The following GYPC variants were observed in gnomAD, a reference collection of about 807,000 sequenced individuals.
GYPC encodes the protein glycophorin-C.
A neutral mutation model predicts 12.6 loss-of-function variants in GYPC; 14 were observed. That is an observed-to-expected ratio of 1.11 (90% CI 0.74 to 1.74). GYPC has a LOEUF of 1.74. GYPC is among the 40% of genes most tolerant of loss of function. The probability of loss-of-function intolerance (pLI) is 0.00; values close to 1 mark genes in which losing one functional copy is unlikely to be tolerated. For synonymous variants in GYPC, 78 were observed against 62.1 expected, an observed-to-expected ratio of 1.26 and a Z score of -1.20; for missense variants, 225 against 172.1, an observed-to-expected ratio of 1.31 and a Z score of -1.72.
chr2:126,673,795 C>T (rs998845567), intron 1 of GYPC, among the ~76,000 whole-genome samples: 2 of 152,200 alleles, frequency 1.3e-5, no homozygotes, highest in East Asian at 3.9e-4. Flanking sequence ...TACACACATA[C>T]ATGCACACAC....
chr2:126,694,994 C>A (rs941802586), intron 3 of GYPC, among the ~76,000 whole-genome samples: 3 of 152,142 alleles, frequency 2.0e-5, no homozygotes, highest in Non-Finnish European at 2.9e-5. Flanking sequence ...ACAGCCACCA[C>A]CTTGGCATCC....
chr2:126,687,919 G>C (rs1683337756), intron 1 of GYPC, among the ~76,000 whole-genome samples: 1 of 152,118 alleles, frequency 6.6e-6, no homozygotes, highest in Non-Finnish European at 1.5e-5. Context: ...GCTTACCAAG[G>C]CTCTACACTT....
chr2:126,666,708 T>TCCACAC (rs1491089453), intron 1 of GYPC, among the ~76,000 whole-genome samples: 1 of 118,422 alleles, frequency 8.4e-6, no homozygotes, highest in East Asian at 2.7e-4. Context: ...CCTCCCTCCC[T>TCCACAC]ACACACACAC....
chr2:126,665,653 G>T (rs1682658499), intron 1 of GYPC, among the ~76,000 whole-genome samples: 1 of 152,204 alleles, frequency 6.6e-6, no homozygotes, highest in Non-Finnish European at 1.5e-5. Flanking sequence ...GGGGGCCCAA[G>T]GGATGCCGAC....
chr2:126,666,906 G>A (rs1226897080), intron 1 of GYPC, among the ~76,000 whole-genome samples: 1 of 152,200 alleles, frequency 6.6e-6, no homozygotes, highest in South Asian at 2.1e-4. Flanking sequence ...TTGGTGCATG[G>A]ATCCTACTGA....
At chr2:126,674,119 C>T (rs1381055856) in intron 1 of GYPC, among the ~76,000 whole-genome samples, 3 of 152,200 alleles carry the variant, frequency 2.0e-5, no homozygotes, top group African/African-American at 7.2e-5. Context: ...AATATTTCTT[C>T]CAAGGGCCTT....
chr2:126,660,232 G>A (rs544005812), intron 1 of GYPC, among the ~76,000 whole-genome samples: 219 of 152,306 alleles, frequency 1.4e-3, no homozygotes, highest in African/African-American at 4.4e-3. Context: ...CTCCTCAGCC[G>A]GGCCTGTGTC....
At chr2:126,672,040 C>T (rs1682868481) in intron 1 of GYPC, among the ~76,000 whole-genome samples, 1 of 152,066 alleles carries the variant, frequency 6.6e-6, no homozygotes. Flanking sequence ...CAGGCCTGGT[C>T]TGACCAAGAC....
At chr2:126,672,052 C>T (rs1384452878) in intron 1 of GYPC, among the ~76,000 whole-genome samples, 1 of 151,892 alleles carries the variant, frequency 6.6e-6, no homozygotes. Context: ...GACCAAGACA[C>T]ATCCAGGGCC....
At chr2:126,672,266 C>G (rs1682873643) in intron 1 of GYPC, among the ~76,000 whole-genome samples, 2 of 152,150 alleles carry the variant, frequency 1.3e-5, no homozygotes, top group African/African-American at 4.8e-5. Context: ...CACCTTAGCC[C>G]TAACAAGAGA....
chr2:126,681,711 A>G (rs1236460787), intron 1 of GYPC, among the ~76,000 whole-genome samples: 3 of 151,630 alleles, frequency 2.0e-5, no homozygotes, highest in East Asian at 3.9e-4. Flanking sequence ...TGAAGAAACC[A>G]TGGTTTGCAG....
At chr2:126,681,789 AAAAAAG>A (rs1381140917) in intron 1 of GYPC, among the ~76,000 whole-genome samples, 314 of 149,344 alleles carry the variant, frequency 2.1e-3, no homozygotes, top group East Asian at 0.014. Flanking sequence ...AAAAAAAAAA[AAAAAAG>A]AAAGAAAGAA....
Position 126,656,230 on chromosome 2 carries a change from T to C in GYPC, c.-34T>C. ...GCCCGGCCTGGCCCGGCCTGGCCAG[T>C]CCCCGCGGTCTCTGCCCGGGCTGAC... On this transcript the variant is annotated 5_prime_UTR_variant, in exon 1 of 4. Transcript: ENST00000259254. 1.9e-6 allele frequency: 3 copies of C among 1,587,234 alleles called. No homozygotes were observed. Among genetic ancestry groups the C allele is most frequent in the Non-Finnish European group, 2.6e-6 (3 of 1,169,520 alleles).
At chr2:126,691,482 C>T (rs560035442) in intron 2 of GYPC, among the ~76,000 whole-genome samples, 34 of 152,276 alleles carry the variant, frequency 2.2e-4, no homozygotes, top group African/African-American at 7.5e-4. Context: ...CCTGCAGACT[C>T]ACCCCAGTCC....
At chr2:126,677,003 T>TA (rs1359552174) in intron 1 of GYPC, among the ~76,000 whole-genome samples, 2 of 152,090 alleles carry the variant, frequency 1.3e-5, no homozygotes, top group Non-Finnish European at 2.9e-5. Context: ...CTCCAGGAGA[T>TA]AAAGTACTCC....
chr2:126,656,301 C>T lies in GYPC; in HGVS notation c.38C>T (p.Pro13Leu), dbSNP rs780406414. ...AGAAGCCCCAACAGCACGGCGTGGC[C>T]TCTCAGCCTCGGTGAGTACCCGCCG... ...STRSPNSTAWPLSLEPDPGMA... is the reference protein window; with the variant it reads ...STRSPNSTAWLLSLEPDPGMA... The change falls in exon 1 of 4, where the codon CCT becomes CTT. Residue 13 changes from proline to leucine, a missense_variant. By Grantham distance (98) the Pro-to-Leu change is moderately conservative (BLOSUM62 -3). Transcript: ENST00000259254. 12 of 1,594,012 alleles carry T rather than the reference C, an allele frequency of 7.5e-6. No individual in the cohort carries two copies. Among genetic ancestry groups the T allele is most frequent in the South Asian group, 4.5e-5 (4 of 88,774 alleles).
At chr2:126,675,771 T>C (rs1682979421) in intron 1 of GYPC, 1 of 660,964 alleles carries the variant, frequency 1.5e-6, no homozygotes, top group South Asian at 6.8e-5. Context: ...AATTTATTAG[T>C]GATATTCACC....
chr2:126,674,929 A>G (rs980328422), intron 1 of GYPC, among the ~76,000 whole-genome samples: 24 of 152,252 alleles, frequency 1.6e-4, no homozygotes, highest in African/African-American at 5.3e-4. Context: ...TATTTGGGAC[A>G]TACTTGTATT....
At chr2:126,665,834 G>A (rs1319169839) in intron 1 of GYPC, among the ~76,000 whole-genome samples, 1 of 152,194 alleles carries the variant, frequency 6.6e-6, no homozygotes, top group Non-Finnish European at 1.5e-5. Flanking sequence ...TCCAGTTTAG[G>A]AAGACAAAAA....
Sources: gnomAD v4.1 joint callset for allele counts (sites outside exome capture counted in the v4.1 genomes callset) on GRCh38, gnomAD v4.1.1 for gene constraint, MANE v1.5 for transcripts, NCBI Gene and HGNC (gene_info 2026-07-23, HGNC 2026-07-21) for gene names.